Variants in RBFOX3 observed in about 807,000 individuals in gnomAD.
RBFOX3 encodes the protein RNA binding fox-1 homolog 3.
RBFOX3 carries 17 observed loss-of-function variants against 48.7 expected under a neutral mutation model. The ratio of observed to expected loss-of-function variants is 0.35; its 90% CI spans 0.24 to 0.52. The LOEUF is 0.52. Ranked by LOEUF, RBFOX3 falls within the 20% of genes least tolerant of loss-of-function variation. The pLI is 0.94. For synonymous variants in RBFOX3, 212 were observed against 209.5 expected, an observed-to-expected ratio of 1.01 and a Z score of -0.10; for missense variants, 382 against 497.5, an observed-to-expected ratio of 0.77 and a Z score of 2.21.
chr17:79,160,510 C>G (rs2046761257), intron 4 of RBFOX3, among the ~76,000 whole-genome samples: 1 of 152,222 alleles, frequency 6.6e-6, no homozygotes, highest in Non-Finnish European at 1.5e-5. Flanking sequence ...GCAGCTGTCC[C>G]TCCTGCTGTA....
At chr17:79,434,223 T>C (rs1156799447) in intron 2 of RBFOX3, among the ~76,000 whole-genome samples, 1 of 152,184 alleles carries the variant, frequency 6.6e-6, no homozygotes, top group African/African-American at 2.4e-5. Flanking sequence ...GCTACTGCAA[T>C]TTTTTTGCTG....
chr17:79,411,007 C>T (rs2064244011), intron 2 of RBFOX3, among the ~76,000 whole-genome samples: 1 of 152,166 alleles, frequency 6.6e-6, no homozygotes, highest in East Asian at 1.9e-4. Flanking sequence ...TGCAGAGACC[C>T]CGCTTTCTAC....
intron 4 of RBFOX3, among the ~76,000 whole-genome samples, chr17:79,132,342 G>A (rs1227616014): frequency 1.3e-5 from 2 of 152,178 alleles, no homozygotes; most frequent in Admixed American, 6.5e-5. Flanking sequence ...GGAGCTGAGC[G>A]ACGCGGGCCA....
chr17:79,479,829 C>T lies in RBFOX3; in HGVS notation c.-175+2625G>A, dbSNP rs1207564734. 7.2e-5 allele frequency among the ~76,000 whole-genome samples: 11 copies of T among 152,316 alleles called. No individual in the cohort carries two copies. The highest frequency in any genetic ancestry group is 1.3e-4 in the Admixed American group (2 of 15,304). On this transcript the variant is annotated intron_variant, in intron 2 of 14. Transcript: ENST00000693108. This position sits in a 1 kb window ranked among gnomAD's most constrained non-coding sequence, Gnocchi z 5.1. Reference sequence around the variant, plus strand: ...AGAGGAGCATGGGAGATGGTGCTACCGTCACGGCCTGCAGGATGTCTGTAC... The same window carrying T: ...AGAGGAGCATGGGAGATGGTGCTACTGTCACGGCCTGCAGGATGTCTGTAC...
At chr17:79,459,498 G>C (rs1261167770) in intron 2 of RBFOX3, among the ~76,000 whole-genome samples, 2 of 152,184 alleles carry the variant, frequency 1.3e-5, no homozygotes, top group African/African-American at 4.8e-5. Flanking sequence ...GCCCGGCAGA[G>C]GAAGGGGATG....
At chr17:79,290,847 G>A (rs1166791483) in intron 3 of RBFOX3, among the ~76,000 whole-genome samples, 1 of 152,136 alleles carries the variant, frequency 6.6e-6, no homozygotes, top group Non-Finnish European at 1.5e-5. Flanking sequence ...CCTCAGCCCT[G>A]GCCACTCTGC....
At chr17:79,551,825 C>G (rs1305773537) in intron 1 of RBFOX3, among the ~76,000 whole-genome samples, 1 of 152,324 alleles carries the variant, frequency 6.6e-6, no homozygotes, top group East Asian at 1.9e-4. Context: ...GCAGCCCTCA[C>G]TAGAAACAGA....
chr17:79,498,064 C>T (rs1354370498), intron 1 of RBFOX3, among the ~76,000 whole-genome samples: 1 of 152,206 alleles, frequency 6.6e-6, no homozygotes, highest in Non-Finnish European at 1.5e-5. Context: ...GGAGATTTAC[C>T]TCTTTGGCAA....
At chr17:79,641,565 C>T in the RBFOX3 span, among the ~76,000 whole-genome samples, 1 of 152,168 alleles carries the variant, frequency 6.6e-6, no homozygotes, top group Non-Finnish European at 1.5e-5. Context: ...AAGTGTCCAT[C>T]AGTAAATGAA....
chr17:79,380,019 C>A (rs978591418), intron 2 of RBFOX3, among the ~76,000 whole-genome samples: 3 of 152,116 alleles, frequency 2.0e-5, no homozygotes, highest in Non-Finnish European at 2.9e-5. Context: ...CAAATTCTTC[C>A]CCTCCATCCC....
intron 3 of RBFOX3, among the ~76,000 whole-genome samples, chr17:79,285,974 C>A (rs1600418872): frequency 6.6e-6 from 1 of 152,328 alleles, no homozygotes; most frequent in South Asian, 2.1e-4. Flanking sequence ...TGAGCCACTG[C>A]ACCCGGCCTG....
At chr17:79,303,230 T>C (rs888890203) in intron 3 of RBFOX3, among the ~76,000 whole-genome samples, 4 of 152,226 alleles carry the variant, frequency 2.6e-5, no homozygotes, top group Non-Finnish European at 5.9e-5. Context: ...TATGCTATGA[T>C]TTTTAATTCA....
intron 2 of RBFOX3, among the ~76,000 whole-genome samples, chr17:79,431,236 C>T (rs1376277279): frequency 2.6e-5 from 4 of 152,172 alleles, no homozygotes; most frequent in African/African-American, 9.7e-5. Context: ...CCACAAAGAC[C>T]TCTCAGACAC....
At chr17:79,436,971 T>C (rs1269236352) in intron 2 of RBFOX3, among the ~76,000 whole-genome samples, 4 of 152,148 alleles carry the variant, frequency 2.6e-5, no homozygotes, top group Non-Finnish European at 5.9e-5. Flanking sequence ...CCATCTTCTG[T>C]CCTGGGAAGC....
At chr17:79,469,800 G>A (rs1163149652) in intron 2 of RBFOX3, among the ~76,000 whole-genome samples, 2 of 152,198 alleles carry the variant, frequency 1.3e-5, no homozygotes, top group Admixed American at 1.3e-4. Flanking sequence ...ACGCATGAAG[G>A]AGAGCGCTCA....
Position 79,119,457 on chromosome 17 carries a change from C to A in RBFOX3, c.-33-3709G>T, listed in dbSNP as rs534496096. ...GGACCCCAGAGAGCAGCACTGGCAG[C>A]CAGGATCCCAAACCCACCATATGCA... On this transcript the variant is annotated intron_variant, in intron 4 of 14. Coordinates refer to ENST00000693108, the MANE Select transcript of RBFOX3 (RefSeq NM_001350451.2). Among the ~76,000 whole-genome samples, 5 of 152,278 alleles carry A rather than the reference C, an allele frequency of 3.3e-5. No individual in the cohort carries two copies. In the East Asian group the frequency reaches 9.6e-4, roughly 29 times the overall value.
rs558117118 is a variant in RBFOX3 at position 79,218,500 on chromosome 17, C to T, written c.-34+17266G>A. ...GCCCGGCCCCCAGGGCTTGGCCGAGCGTGGCTGAGGACAGGCAGAGCCCCT... is the reference window on the plus strand; with the variant it reads ...GCCCGGCCCCCAGGGCTTGGCCGAGTGTGGCTGAGGACAGGCAGAGCCCCT... On this transcript the variant is annotated intron_variant, in intron 4 of 14. Transcript: ENST00000693108. 5.3e-5 allele frequency among the ~76,000 whole-genome samples: 8 copies of T among 152,258 alleles called. No individual in the cohort carries two copies. The East Asian group carries it at 7.7e-4, about 15-fold the overall frequency.
At chr17:79,219,735 C>G (rs1036027757) in intron 4 of RBFOX3, among the ~76,000 whole-genome samples, 10 of 151,988 alleles carry the variant, frequency 6.6e-5, no homozygotes, top group Non-Finnish European at 1.2e-4. Flanking sequence ...CACAGCCATG[C>G]TTCACCACTC....
At chr17:79,272,324 G>T (rs895227638) in intron 3 of RBFOX3, among the ~76,000 whole-genome samples, 3 of 152,206 alleles carry the variant, frequency 2.0e-5, no homozygotes, top group Non-Finnish European at 4.4e-5. Context: ...AGGCCTCACT[G>T]TCTGACTGTC....
Sources: gnomAD v4.1 joint callset for allele counts (sites outside exome capture counted in the v4.1 genomes callset) on GRCh38, gnomAD v4.1.1 for gene constraint, Gnocchi (gnomAD v3.1) non-coding constraint, MANE v1.5 for transcripts, NCBI Gene and HGNC (gene_info 2026-07-23, HGNC 2026-07-21) for gene names.